Variants in SYCN observed in about 807,000 individuals in gnomAD.
SYCN encodes the protein syncollin, also known as insulin synthesis associated 1.
A neutral mutation model predicts 12.6 loss-of-function variants in SYCN; 16 were observed. The observed-to-expected ratio is 1.27, with a 90% CI of 0.86 to 1.92. SYCN has a LOEUF of 1.92. Ranked by LOEUF, SYCN falls within the 30% of genes most tolerant of loss-of-function variation. The probability of loss-of-function intolerance (pLI) is 0.00; values close to 1 mark genes in which losing one functional copy is unlikely to be tolerated. For missense variants in SYCN, 226 were observed against 181.8 expected, an observed-to-expected ratio of 1.24 and a Z score of -1.40; for synonymous variants, 97 against 88.4, an observed-to-expected ratio of 1.10 and a Z score of -0.55.
At chr19:39,203,726 G>T in intron 1 of SYCN, 134 bp downstream of exon 1, 2 of 1,082,908 alleles carry the variant, frequency 1.8e-6, no homozygotes, top group Non-Finnish European at 2.6e-6. Flanking sequence ...TTCTAGGGAG[G>T]CCTGGTGCTC....
In SYCN at chr19:39,204,156, G is replaced by C; in HGVS notation, c.99C>G (p.Asp33Glu). ...AGAGCTTGGCGCAAGTGCGCGTCCC[G>C]TCCGAGTGCTTGAGGTCGGCGGAGG... ...CPASADLKHSDGTRTCAKLYD... is the reference protein window; with the variant it reads ...CPASADLKHSEGTRTCAKLYD... Residue 33 changes from aspartate to glutamate, a missense_variant, in exon 1 of 2, where the codon GAC becomes GAG. Transcript: ENST00000318438. The C allele has an allele frequency of 6.2e-7, 1 of 1,612,586 alleles. No individual in the cohort carries two copies.
Position 39,204,120 on chromosome 19 carries a change from G to A in SYCN, c.135C>T (p.Ser45=), listed in dbSNP as rs756414013. ...TRTCAKLYDK[S]DPYYENCCGG... ...CGCAGCAGTTCTCATAGTAGGGGTC[G>A]CTCTTGTCATAGAGCTTGGCGCAAG... is the stretch of plus-strand genomic sequence containing the variant. Residue 45 remains serine, a synonymous_variant, in exon 1 of 2, where the codon AGC becomes AGT. Coordinates refer to ENST00000318438, the MANE Select transcript of SYCN (RefSeq NM_001080468.4). 1.9e-6 allele frequency: 3 copies of A among 1,613,056 alleles called. No homozygotes were observed. Among genetic ancestry groups the A allele is most frequent in the Admixed American group, 1.7e-5 (1 of 60,008 alleles).
At chr19:39,203,552 A>G (rs944895248) in intron 1 of SYCN, among the ~76,000 whole-genome samples, 6 of 151,908 alleles carry the variant, frequency 3.9e-5, no homozygotes, top group African/African-American at 1.2e-4. Context: ...GGGTAGGCGG[A>G]AGATTCCAGA....
Position 39,204,066 on chromosome 19 carries a change from G to C in SYCN, c.189C>G (p.Gly63=). 6.2e-7 allele frequency: 1 copy of C among 1,612,836 alleles called. No individual in the cohort carries two copies. Among genetic ancestry groups the C allele is most frequent in the Non-Finnish European group, 8.5e-7 (1 of 1,179,510 alleles). ...TGGAGGGCAGGTAGGGCAGGTCTGCGCCCGACTCCAGCGACAGCTCGGCGC... is the reference window on the plus strand; with the variant it reads ...TGGAGGGCAGGTAGGGCAGGTCTGCCCCCGACTCCAGCGACAGCTCGGCGC... ...CGGAELSLES[G]ADLPYLPSNW... Residue 63 remains glycine (G), a synonymous_variant, in exon 1 of 2, where the codon GGC becomes GGG. Transcript: ENST00000318438.
chr19:39,203,142 G>A lies in SYCN; in HGVS notation c.396-146C>T, dbSNP rs989349255. ...CCAGGGATCCTAGCCTGGGAGTTTG[G>A]AGCTGGGGGCTCCTTGGAGCTCTTG... is the stretch of plus-strand genomic sequence containing the variant. On this transcript the variant is annotated intron_variant, in intron 1 of 1. Coordinates refer to ENST00000318438, the MANE Select transcript of SYCN (RefSeq NM_001080468.4). 7.2e-6 allele frequency: 6 copies of A among 830,602 alleles called. No homozygotes were observed. The African/African-American group carries it at 1.0e-4, about 14-fold the overall frequency. The allele number at this position is 830,602 out of a possible 1,614,324, so 51.5% of individuals were successfully genotyped here. A position where few individuals can be genotyped will look rare whatever the true frequency, so the allele number is the denominator to read the frequency against.
At chr19:39,203,672 C>A (rs959553835) in intron 1 of SYCN, among the ~76,000 whole-genome samples, 188 bp downstream of exon 1, 2 of 151,646 alleles carry the variant, frequency 1.3e-5, no homozygotes, top group African/African-American at 4.8e-5. Context: ...AGAAGGAGGA[C>A]CTGGTTTGGG....
At position 39,204,238 on chromosome 19, in the gene SYCN, G is replaced by A. The variant is rs768166014; in HGVS notation, c.17C>T (p.Pro6Leu). The A allele has an allele frequency of 3.8e-6, 6 of 1,573,796 alleles. No individual in the cohort carries two copies. Among genetic ancestry groups the A allele is most frequent in the Non-Finnish European group, 1.7e-6 (2 of 1,165,152 alleles). Reference protein sequence around the residue: MSPLRPLLLALALASV... With the variant: MSPLRLLLLALALASV... The stretch of plus-strand genomic sequence containing the variant: ...GGCAAGGGCCAGGGCCAGCAGCAGC[G>A]GGCGCAGCGGGGACATGGTGGCAGT... The change falls in exon 1 of 2, where the codon CCG (proline) becomes CTG (leucine). Residue 6 changes from proline to leucine, a missense_variant. Coordinates refer to ENST00000318438, the MANE Select transcript of SYCN (RefSeq NM_001080468.4).
At chr19:39,203,485 A>G (rs1213130804) in intron 1 of SYCN, among the ~76,000 whole-genome samples, 1 of 151,468 alleles carries the variant, frequency 6.6e-6, no homozygotes, top group Non-Finnish European at 1.5e-5. Context: ...GGGGTCTAGG[A>G]GCTCTCAGTC....
At position 39,203,852 on chromosome 19, in the gene SYCN, C is replaced by T. The variant is rs745310736; in HGVS notation, c.395+8G>A. On this transcript the variant is annotated splice_region_variant and intron_variant, in intron 1 of 1. Transcript: ENST00000318438. The stretch of plus-strand genomic sequence containing the variant: ...GGGGTGGGCTCGGAGCTTTGGGCGG[C>T]CGGGCACCTGCAGTAGAGCGCGGAG... 4.8e-5 allele frequency: 75 copies of T among 1,571,948 alleles called. 1 individual carries two copies. In the Middle Eastern group the frequency reaches 1.0e-3, roughly 22 times the overall value.
In SYCN at chr19:39,203,763, G is replaced by A. The variant is rs976666549; in HGVS notation, c.395+97C>T. 5.2e-5 allele frequency: 72 copies of A among 1,395,356 alleles called. 2 individuals are homozygous for A. The Admixed American group carries it at 1.8e-3, about 36-fold the overall frequency. 86.4% of individuals were successfully genotyped at this position (1,395,356 alleles called of 1,614,324 possible). On this transcript the variant is annotated intron_variant, in intron 1 of 1. Transcript: ENST00000318438. ...CTGTTACAGTCGGGAGCTCAGGGGT[G>A]TGGAGCAGCCTCGGGGCTTGGGTGG...
Position 39,202,984 on chromosome 19 carries a change from G to T in SYCN, c.*3C>A. On this transcript the variant is annotated 3_prime_UTR_variant, in exon 2 of 2. Transcript: ENST00000318438. ...AAGCTGCAGATGAGAGACCAGCAAT[G>T]CATCAGCTGCACCTGAAATGTAATC... The T allele has an allele frequency of 1.3e-6, 2 of 1,579,652 alleles. No individual in the cohort carries two copies. Among genetic ancestry groups the T allele is most frequent in the African/African-American group, 1.3e-5 (1 of 74,220 alleles).
Position 39,204,060 on chromosome 19 carries a change from G to T in SYCN, c.195C>A (p.Asp65Glu). The change falls in exon 1 of 2, where the codon GAC becomes GAA. Residue 65 changes from aspartate to glutamate, a missense_variant. Coordinates refer to ENST00000318438, the MANE Select transcript of SYCN (RefSeq NM_001080468.4). Reference protein sequence around the residue: ...GAELSLESGADLPYLPSNWAN... With the variant: ...GAELSLESGAELPYLPSNWAN... ...CCCAGTTGGAGGGCAGGTAGGGCAG[G>T]TCTGCGCCCGACTCCAGCGACAGCT... is the stretch of plus-strand genomic sequence containing the variant. 3 of 1,612,882 alleles carry T rather than the reference G, an allele frequency of 1.9e-6. No individual in the cohort carries two copies. Among genetic ancestry groups the T allele is most frequent in the Non-Finnish European group, 2.5e-6 (3 of 1,179,514 alleles).
chr19:39,202,897 G>C lies in SYCN; in HGVS notation c.*90C>G. 5 of 1,474,632 alleles carry C rather than the reference G, an allele frequency of 3.4e-6. No individual in the cohort carries two copies. The highest frequency in any genetic ancestry group is 4.6e-6 in the Non-Finnish European group (5 of 1,086,224). The allele number at this position is 1,474,632 out of a possible 1,614,324, so 91.3% of individuals were successfully genotyped here. ...GGCAGGCAGAACGCTCCTCCTCCTGGGTCTTGGGGCCCCGGAGCAGAGCCC... is the reference window on the plus strand; with the variant it reads ...GGCAGGCAGAACGCTCCTCCTCCTGCGTCTTGGGGCCCCGGAGCAGAGCCC... On this transcript the variant is annotated 3_prime_UTR_variant, in exon 2 of 2. Transcript: ENST00000318438.
At chr19:39,203,743 A>T in intron 1 of SYCN, 117 bp downstream of exon 1, 1 of 1,232,620 alleles carries the variant, frequency 8.1e-7, no homozygotes, top group Non-Finnish European at 1.1e-6. Flanking sequence ...GCTCCCTGTT[A>T]CAGTCGGGAG....
In SYCN at chr19:39,204,227, CCAG is replaced by C. The variant is rs1194741512; in HGVS notation, c.25_27del (p.Leu9del). ...CAAGGCACGGAGGCAAGGGCCAGGGCCAGCAGCAGCGGGCGCAGCGGGGACATG... is the reference window on the plus strand; with the variant it reads ...CAAGGCACGGAGGCAAGGGCCAGGGCCAGCAGCGGGCGCAGCGGGGACATG... On this transcript the variant is annotated inframe_deletion, in exon 1 of 2. Coordinates refer to ENST00000318438, the MANE Select transcript of SYCN (RefSeq NM_001080468.4). 6.3e-7 allele frequency: 1 copy of C among 1,591,440 alleles called. No individual in the cohort carries two copies.
In SYCN at chr19:39,202,864, T is replaced by G; in HGVS notation, c.*123A>C. ...CACAAAGGCTGTATTGCAGGGGAGG[T>G]GGGAGGGGGCAGGCAGAACGCTCCT... On this transcript the variant is annotated 3_prime_UTR_variant, in exon 2 of 2. Coordinates refer to ENST00000318438, the MANE Select transcript of SYCN (RefSeq NM_001080468.4). 5.2e-6 allele frequency: 5 copies of G among 954,308 alleles called. No homozygotes were observed. Among genetic ancestry groups the G allele is most frequent in the Non-Finnish European group, 6.3e-6 (4 of 630,470 alleles). 59.1% of individuals were successfully genotyped at this position (954,308 alleles called of 1,614,324 possible). A position where few individuals can be genotyped will look rare whatever the true frequency, so the allele number is the denominator to read the frequency against.
rs765294812 is a variant in SYCN at position 39,203,883 on chromosome 19, G to T, written c.372C>A (p.Asn124Lys). The T allele has an allele frequency of 6.8e-6, 11 of 1,607,914 alleles. No homozygotes were observed. The highest frequency in any genetic ancestry group is 9.3e-6 in the Non-Finnish European group (11 of 1,176,798). ...YRRGILGDWS[N>K]AISALYCRCS Reference sequence around the variant, plus strand: ...ACCTGCAGTAGAGCGCGGAGATAGCGTTGGACCAGTCTCCTAAGATGCCCC... The same window carrying T: ...ACCTGCAGTAGAGCGCGGAGATAGCTTTGGACCAGTCTCCTAAGATGCCCC... The change falls in exon 1 of 2, where the codon AAC becomes AAA. Residue 124 changes from asparagine (N) to lysine (K), a missense_variant. Coordinates refer to ENST00000318438, the MANE Select transcript of SYCN (RefSeq NM_001080468.4).
In SYCN at chr19:39,202,931, G is replaced by T; in HGVS notation, c.*56C>A. The T allele has an allele frequency of 6.4e-7, 1 of 1,565,596 alleles. No homozygotes were observed. The highest frequency in any genetic ancestry group is 2.4e-5 in the East Asian group (1 of 42,406). On this transcript the variant is annotated 3_prime_UTR_variant, in exon 2 of 2. Transcript: ENST00000318438. ...GCCCCGGAGCAGAGCCCAGGGATGG[G>T]CTGAGTGAGGGGCTTGGCACTCTGT...
In SYCN at chr19:39,202,983, T is replaced by A. The variant is rs770511940; in HGVS notation, c.*4A>T. On this transcript the variant is annotated 3_prime_UTR_variant, in exon 2 of 2. Coordinates refer to ENST00000318438, the MANE Select transcript of SYCN (RefSeq NM_001080468.4). ...GAAGCTGCAGATGAGAGACCAGCAA[T>A]GCATCAGCTGCACCTGAAATGTAAT... The A allele has an allele frequency of 1.3e-5, 20 of 1,579,478 alleles. No individual in the cohort carries two copies. In the East Asian group the frequency reaches 4.2e-4, roughly 33 times the overall value.
Sources: allele counts gnomAD v4.1 joint callset (sites outside exome capture counted in the v4.1 genomes callset), GRCh38; gene constraint gnomAD v4.1.1; transcripts MANE v1.5; gene names NCBI Gene and HGNC (gene_info 2026-07-23, HGNC 2026-07-21).